The following CPNE8 variants were observed in gnomAD, a reference collection of about 807,000 sequenced individuals.
The protein encoded by CPNE8 is copine-8.
Under a neutral mutation model 81.5 loss-of-function variants are expected in CPNE8, and 45 were observed. The ratio of observed to expected loss-of-function variants is 0.55; its 90% CI spans 0.44 to 0.71. The LOEUF (loss-of-function observed/expected upper bound fraction) is 0.71. CPNE8 is among the 30% of genes least tolerant of loss of function. The probability of loss-of-function intolerance (pLI) is 0.00; values close to 1 mark genes in which losing one functional copy is unlikely to be tolerated. For missense variants in CPNE8, 594 were observed against 672.1 expected (o/e 0.88, Z 1.28); for synonymous variants, 252 against 226.3 (o/e 1.11, Z -1.02).
At chr12:38,787,494 A>G (rs981897223) in intron 6 of CPNE8, among the ~76,000 whole-genome samples, 2 of 151,474 alleles carry the variant, frequency 1.3e-5, no homozygotes, top group African/African-American at 2.4e-5. Context: ...ATTAAAAAAA[A>G]AAAAAAGAAA....
intron 16 of CPNE8, among the ~76,000 whole-genome samples, chr12:38,682,113 G>A (rs939094600): frequency 2.0e-5 from 3 of 152,084 alleles, no homozygotes; most frequent in Admixed American, 6.6e-5. Flanking sequence ...CCAGCTACTC[G>A]GGAGGCTGAG....
intron 16 of CPNE8, among the ~76,000 whole-genome samples, chr12:38,682,507 G>A (rs188047502): frequency 9.9e-4 from 151 of 152,288 alleles, no homozygotes; most frequent in African/African-American, 3.4e-3. Context: ...GCAGTGAGCC[G>A]AGATCATCCC....
At chr12:38,843,848 A>T (rs1943511734) in intron 4 of CPNE8, among the ~76,000 whole-genome samples, 1 of 152,062 alleles carries the variant, frequency 6.6e-6, no homozygotes, top group African/African-American at 2.4e-5. Flanking sequence ...TCCTGCAAGG[A>T]GCTGGGCAAT....
intron 5 of CPNE8, among the ~76,000 whole-genome samples, 153 bp downstream of exon 5, chr12:38,839,763 T>C (rs1263919386): frequency 6.6e-6 from 1 of 152,116 alleles, no homozygotes; most frequent in East Asian, 1.9e-4. Context: ...CTCCAAAATG[T>C]TTTTCTGGGG....
chr12:38,811,957 C>CCTCT (rs1481961394), intron 6 of CPNE8, among the ~76,000 whole-genome samples: 2 of 152,124 alleles, frequency 1.3e-5, no homozygotes, highest in Non-Finnish European at 2.9e-5. Context: ...TGGTCCCTAG[C>CCTCT]CTAGAGAGTC....
chr12:38,825,445 T>C (rs1490394033), intron 6 of CPNE8, among the ~76,000 whole-genome samples: 2 of 152,170 alleles, frequency 1.3e-5, no homozygotes, highest in Non-Finnish European at 2.9e-5. Context: ...TAGGACTCCA[T>C]GGAGTGGACC....
rs182212898 is a variant in CPNE8, at chr12:38,745,161, C to T, written c.723-14803G>A. Among the ~76,000 whole-genome samples, 106 of 152,258 alleles carry T rather than the reference C, an allele frequency of 7.0e-4. 2 individuals carry two copies. In the East Asian group the frequency reaches 0.016, roughly 23 times the overall value. On this transcript the variant is annotated intron_variant, in intron 10 of 19. Coordinates refer to ENST00000331366, the MANE Select transcript of CPNE8 (RefSeq NM_153634.3). ...CTATGTCTGCATTTCTCATGAATTC[C>T]CTCTAATACATTATAACGTACTCAG...
intron 10 of CPNE8, among the ~76,000 whole-genome samples, chr12:38,743,838 A>C (rs2136803378): frequency 6.6e-6 from 1 of 152,274 alleles, no homozygotes; most frequent in South Asian, 2.1e-4. Flanking sequence ...ATTCAATCAA[A>C]AAAATTTAAA....
At chr12:38,679,635 A>G (rs999539348) in intron 16 of CPNE8, 2 of 984,976 alleles carry the variant, frequency 2.0e-6, no homozygotes, top group Non-Finnish European at 2.4e-6. Flanking sequence ...CGGCACCACA[A>G]ATTAATCTTT....
chr12:38,655,084 TATC>T (rs1444827411), intron 19 of CPNE8, among the ~76,000 whole-genome samples: 1 of 152,158 alleles, frequency 6.6e-6, no homozygotes, highest in African/African-American at 2.4e-5. Context: ...CTTATGGAAA[TATC>T]ATCATTCTAA....
chr12:38,816,100 A>G (rs895595465), intron 6 of CPNE8, among the ~76,000 whole-genome samples: 2 of 152,202 alleles, frequency 1.3e-5, no homozygotes, highest in Non-Finnish European at 2.9e-5. Flanking sequence ...TAAGGTACAC[A>G]TGTAGCAAGG....
intron 14 of CPNE8, among the ~76,000 whole-genome samples, chr12:38,696,311 T>G (rs2136677736): frequency 6.6e-6 from 1 of 152,204 alleles, no homozygotes; most frequent in Middle Eastern, 3.4e-3. Context: ...ACAACCCTTT[T>G]TGTTTATTCC....
chr12:38,845,478 G>C (rs764990858), intron 4 of CPNE8, among the ~76,000 whole-genome samples: 1 of 152,016 alleles, frequency 6.6e-6, no homozygotes, highest in Non-Finnish European at 1.5e-5. Context: ...TAGAGGTTGG[G>C]ACTACTGGGA....
intron 15 of CPNE8, among the ~76,000 whole-genome samples, chr12:38,687,418 G>A (rs1265930487): frequency 9.1e-6 from 1 of 109,834 alleles, no homozygotes; most frequent in East Asian, 2.7e-4. Flanking sequence ...CTCTTGCTCT[G>A]TTGCCCAGGC....
rs1432416120 is a variant in CPNE8 at position 38,673,031 on chromosome 12, AC to A, written c.1433-2230del. Among the ~76,000 whole-genome samples, 7 of 152,204 alleles carry A rather than the reference AC, an allele frequency of 4.6e-5. No individual in the cohort carries two copies. The South Asian group carries it at 1.2e-3, about 27-fold the overall frequency. The stretch of plus-strand genomic sequence containing the variant: ...GTTGAGGGAGGGACCTGTAATCCCC[AC>A]ATGTAGAGGGAGGGAAGTGACTGGA... On this transcript the variant is annotated intron_variant, in intron 18 of 19. Coordinates refer to ENST00000331366, the MANE Select transcript of CPNE8 (RefSeq NM_153634.3).
intron 6 of CPNE8, among the ~76,000 whole-genome samples, chr12:38,797,276 C>G (rs62537688): frequency 6.3e-4 from 96 of 152,328 alleles, no homozygotes; most frequent in African/African-American, 2.2e-3. Flanking sequence ...GACCCCCGAG[C>G]AGCCTAACTG....
At position 38,653,981 on chromosome 12, in the gene CPNE8, A is replaced by G. The variant is rs993861370; in HGVS notation, c.1596T>C (p.Pro532=). The G allele has an allele frequency of 1.2e-6, 2 of 1,613,678 alleles. No homozygotes were observed. The highest frequency in any genetic ancestry group is 1.3e-5 in the African/African-American group (1 of 74,916). ...CTCTCATATAGGAGAGAAACTGCTC[A>G]GGGATCTCAGCTAGGACATCTTTAG... ...RLAKDVLAEI[P]EQFLSYMRAR... is the part of the protein sequence containing the mutation. Residue 532 remains proline (P), a synonymous_variant, in exon 20 of 20, where the codon CCT becomes CCC. Coordinates refer to ENST00000331366, the MANE Select transcript of CPNE8 (RefSeq NM_153634.3).
At chr12:38,760,435 G>GTGTATATATATATATATATATATATATA (rs1555154496) in intron 10 of CPNE8, among the ~76,000 whole-genome samples, 11 of 127,248 alleles carry the variant, frequency 8.6e-5, no homozygotes, top group African/African-American at 1.7e-4. Context: ...TGTATGGTGT[G>GTGTATATATATATATATATATATATATA]TATATATATA....
At chr12:38,797,272 C>A (rs1034885534) in intron 6 of CPNE8, among the ~76,000 whole-genome samples, 10 of 152,144 alleles carry the variant, frequency 6.6e-5, no homozygotes, top group African/African-American at 2.4e-4. Flanking sequence ...CCCTGACCCC[C>A]GAGCAGCCTA....
Sources: allele counts gnomAD v4.1 joint callset (sites outside exome capture counted in the v4.1 genomes callset), GRCh38; gene constraint gnomAD v4.1.1; transcripts MANE v1.5; gene names NCBI Gene and HGNC (gene_info 2026-07-23, HGNC 2026-07-21).